Variants in STK32A observed in about 807,000 individuals in gnomAD.
The protein encoded by STK32A is serine/threonine kinase 32A, also known as serine/threonine-protein kinase 32A.
A neutral mutation model predicts 53.2 loss-of-function variants in STK32A; 41 were observed. The observed-to-expected ratio is 0.77, with a 90% CI of 0.60 to 1.00. The LOEUF (loss-of-function observed/expected upper bound fraction) is 1.00, where lower values mean the gene tolerates loss of function less well. Ranked by LOEUF, STK32A falls within the 50% of genes least tolerant of loss-of-function variation. The pLI is 0.00. For missense variants in STK32A, 458 were observed against 485.8 expected (o/e 0.94, Z 0.54); for synonymous variants, 166 against 162.8 (o/e 1.02, Z -0.15).
intron 4 of STK32A, among the ~76,000 whole-genome samples, chr5:147,323,461 T>A (rs1460325675): frequency 6.6e-6 from 1 of 152,178 alleles, no homozygotes; most frequent in East Asian, 1.9e-4. Flanking sequence ...TGGGCAATGA[T>A]GTTGTTAGTA....
chr5:147,383,645 G>C (rs1385581968), intron 12 of STK32A, 140 bp downstream of exon 12: 6 of 862,852 alleles, frequency 7.0e-6, no homozygotes, highest in Non-Finnish European at 1.7e-6. Context: ...TATAGAAAAT[G>C]TAGAAACCTT....
intron 8 of STK32A, among the ~76,000 whole-genome samples, chr5:147,368,500 T>C (rs1756868806): frequency 6.6e-6 from 1 of 152,126 alleles, no homozygotes; most frequent in Non-Finnish European, 1.5e-5. Context: ...CATGCTTCCT[T>C]AAGTAGACTG....
chr5:147,290,505 G>C (rs11952753), intron 4 of STK32A, among the ~76,000 whole-genome samples: 1 of 151,896 alleles, frequency 6.6e-6, no homozygotes, highest in East Asian at 1.9e-4. Flanking sequence ...AAAACAAATA[G>C]GCCCCAGTCT....
At chr5:147,284,696 C>CAAAAAAAAAAA (rs869167577) in intron 4 of STK32A, among the ~76,000 whole-genome samples, 3 of 51,654 alleles carry the variant, frequency 5.8e-5, no homozygotes, top group Admixed American at 2.7e-4. Flanking sequence ...CAAGACAAAA[C>CAAAAAAAAAAA]AAAAAAACAA....
chr5:147,343,039 A>G lies in STK32A; in HGVS notation c.468A>G (p.Glu156=). ...DMKPDNILLD[E]HGHVHITDFN... is the part of the protein sequence containing the mutation. ...AGCCTGACAATATTTTACTTGACGA[A>G]CATGGTAAGTGAGTGATTTGTTTGC... is the stretch of plus-strand genomic sequence containing the variant. The change falls in exon 6 of 13, where the codon GAA becomes GAG. Residue 156 remains glutamate (E), a synonymous_variant. Transcript: ENST00000397936. The G allele has an allele frequency of 6.2e-7, 1 of 1,613,466 alleles. No homozygotes were observed. Among genetic ancestry groups the G allele is most frequent in the South Asian group, 1.1e-5 (1 of 91,080 alleles).
chr5:147,240,831 A>G (rs1455812231), intron 2 of STK32A, among the ~76,000 whole-genome samples: 3 of 152,214 alleles, frequency 2.0e-5, no homozygotes, highest in Non-Finnish European at 1.5e-5. Context: ...GACGCCAACT[A>G]CTTGCCTTTT....
At chr5:147,401,731 T>TA in the STK32A span, 1 of 1,612,984 alleles carries the variant, frequency 6.2e-7, no homozygotes, top group South Asian at 1.1e-5. Flanking sequence ...GGGGTTAGCA[T>TA]AAAGTATATG....
At chr5:147,382,407 T>C (rs1294005418) in intron 11 of STK32A, among the ~76,000 whole-genome samples, 2 of 152,122 alleles carry the variant, frequency 1.3e-5, no homozygotes, top group African/African-American at 2.4e-5. Flanking sequence ...TGTCTTTATC[T>C]AGTAGATCTA....
chr5:147,334,029 T>G (rs1239064782), intron 5 of STK32A, among the ~76,000 whole-genome samples: 1 of 152,016 alleles, frequency 6.6e-6, no homozygotes, highest in Non-Finnish European at 1.5e-5. Flanking sequence ...GCTTGCAAAA[T>G]CAGGAGTGCT....
chr5:147,245,468 G>A (rs1753738342), intron 2 of STK32A, among the ~76,000 whole-genome samples: 1 of 151,970 alleles, frequency 6.6e-6, no homozygotes, highest in Non-Finnish European at 1.5e-5. Context: ...TTGTTTGTTT[G>A]TTTTTGTGGT....
At chr5:147,368,012 T>C (rs1410010527) in intron 8 of STK32A, among the ~76,000 whole-genome samples, 1 of 152,212 alleles carries the variant, frequency 6.6e-6, no homozygotes, top group Non-Finnish European at 1.5e-5. Flanking sequence ...TACAGAAAAG[T>C]ATATGTCTTA....
intron 8 of STK32A, among the ~76,000 whole-genome samples, chr5:147,368,732 A>G (rs940076853): frequency 1.3e-5 from 2 of 152,248 alleles, no homozygotes; most frequent in African/African-American, 4.8e-5. Context: ...TAATAAACCA[A>G]CAGGTCATGG....
At chr5:147,316,414 TC>T in intron 4 of STK32A, among the ~76,000 whole-genome samples, 1 of 152,332 alleles carries the variant, frequency 6.6e-6, no homozygotes, top group Middle Eastern at 3.4e-3. Context: ...GTTTTCATAT[TC>T]TACAGTTACA....
At chr5:147,330,217 T>C (rs1754799355) in intron 5 of STK32A, among the ~76,000 whole-genome samples, 1 of 152,200 alleles carries the variant, frequency 6.6e-6, no homozygotes, top group African/African-American at 2.4e-5. Context: ...AGAATCCACT[T>C]CCAAGCTCAG....
At chr5:147,243,614 G>T (rs753941703) in intron 2 of STK32A, among the ~76,000 whole-genome samples, 2 of 151,946 alleles carry the variant, frequency 1.3e-5, no homozygotes, top group Non-Finnish European at 2.9e-5. Context: ...GCCAGTGTGC[G>T]CCTGTAGTCC....
intron 7 of STK32A, among the ~76,000 whole-genome samples, chr5:147,359,806 C>G (rs1348117111): frequency 6.6e-6 from 1 of 152,148 alleles, no homozygotes; most frequent in Non-Finnish European, 1.5e-5. Context: ...CTCCTTATTC[C>G]TGCTGCATCA....
At chr5:147,349,825 T>G (rs1396759033) in intron 6 of STK32A, among the ~76,000 whole-genome samples, 2 of 151,976 alleles carry the variant, frequency 1.3e-5, no homozygotes, top group Admixed American at 1.3e-4. Flanking sequence ...AAAATGAAGT[T>G]GACTGGCCGG....
intron 7 of STK32A, among the ~76,000 whole-genome samples, chr5:147,359,345 T>C (rs2151997143): frequency 6.6e-6 from 1 of 152,314 alleles, no homozygotes; most frequent in Admixed American, 6.5e-5. Flanking sequence ...GAATATTTTC[T>C]GAATGAATAA....
chr5:147,278,086 G>T, intron 2 of STK32A, 38 bp from the exon 3 acceptor site: 1 of 1,507,254 alleles, frequency 6.6e-7, no homozygotes, highest in South Asian at 1.2e-5. Flanking sequence ...AAGAGAAATT[G>T]ATAATTACTC....
Sources: allele counts gnomAD v4.1 joint callset (sites outside exome capture counted in the v4.1 genomes callset), GRCh38; gene constraint gnomAD v4.1.1; transcripts MANE v1.5; gene names NCBI Gene and HGNC (gene_info 2026-07-23, HGNC 2026-07-21).